The following GPC6 variants were observed in gnomAD, a reference collection of about 807,000 sequenced individuals.
GPC6 encodes the protein glypican-6.
Under a neutral mutation model 55.2 loss-of-function variants are expected in GPC6, and 14 were observed. That is an observed-to-expected ratio of 0.25 (90% CI 0.17 to 0.40). GPC6 has a LOEUF of 0.40. Ranked by LOEUF, GPC6 falls within the 10% of genes least tolerant of loss-of-function variation. The probability of loss-of-function intolerance (pLI) is 1.00; values close to 1 mark genes in which losing one functional copy is unlikely to be tolerated. For synonymous variants in GPC6, 278 were observed against 259.6 expected (o/e 1.07, Z -0.68); for missense variants, 641 against 708.5 (o/e 0.90, Z 1.08).
chr13:93,699,994 C>T (rs1218909713), intron 2 of GPC6, among the ~76,000 whole-genome samples: 1 of 151,960 alleles, frequency 6.6e-6, no homozygotes, highest in Non-Finnish European at 1.5e-5. Flanking sequence ...GGCAGTAGCA[C>T]AAACCTGATT....
rs551166830 is a variant in GPC6, at chr13:93,641,440, T to C, written c.319+96019T>C. On this transcript the variant is annotated intron_variant, in intron 2 of 8. Transcript: ENST00000377047. ...GTTTATCAATCCTTACTGAGCAACT[T>C]TTGGCAACATGCTTAACACACGAAG... is the stretch of plus-strand genomic sequence containing the variant. Among the ~76,000 whole-genome samples the C allele has an allele frequency of 3.9e-5, 6 of 152,258 alleles. No individual in the cohort carries two copies. In the East Asian group the frequency reaches 1.2e-3, roughly 29 times the overall value.
intron 4 of GPC6, among the ~76,000 whole-genome samples, chr13:94,060,203 G>T (rs181051271): frequency 5.3e-5 from 8 of 152,270 alleles, no homozygotes; most frequent in Admixed American, 5.2e-4. Flanking sequence ...AATCTGCCCT[G>T]TCTCCAATCG....
At chr13:93,228,080 G>T (rs2138996610) in intron 1 of GPC6, among the ~76,000 whole-genome samples, 1 of 152,252 alleles carries the variant, frequency 6.6e-6, no homozygotes, top group South Asian at 2.1e-4. Flanking sequence ...GCCGGCAGGG[G>T]CGGTGGAGAG....
chr13:93,817,568 A>G (rs1886896700), intron 2 of GPC6, among the ~76,000 whole-genome samples: 1 of 152,208 alleles, frequency 6.6e-6, no homozygotes, highest in Non-Finnish European at 1.5e-5. Context: ...AAAAAATATA[A>G]GTAGTTTAGA....
intron 4 of GPC6, among the ~76,000 whole-genome samples, chr13:94,175,986 A>AGAGCGAGC (rs1555304127): frequency 2.3e-5 from 3 of 131,232 alleles, no homozygotes; most frequent in East Asian, 2.2e-4. Context: ...AGAGAGAGAG[A>AGAGCGAGC]GAGAGAGCGA....
At chr13:94,293,936 C>T (rs527936381) in intron 5 of GPC6, among the ~76,000 whole-genome samples, 2 of 152,292 alleles carry the variant, frequency 1.3e-5, no homozygotes, top group East Asian at 3.9e-4. Context: ...ATATAGGGAA[C>T]CTATTGATAA....
intron 1 of GPC6, among the ~76,000 whole-genome samples, chr13:93,388,455 G>T (rs2139214074): frequency 6.6e-6 from 1 of 152,302 alleles, no homozygotes; most frequent in South Asian, 2.1e-4. Context: ...GATATTGAAT[G>T]AGGAGACAGA....
chr13:93,700,449 C>A (rs772510496), intron 2 of GPC6, among the ~76,000 whole-genome samples: 1 of 152,106 alleles, frequency 6.6e-6, no homozygotes, highest in Non-Finnish European at 1.5e-5. Flanking sequence ...TTTACAGAAG[C>A]ACTAACCCTG....
chr13:94,241,233 A>G lies in GPC6; in HGVS notation c.878-45116A>G, dbSNP rs541811905. ...AGATCTGCCATCACCTTGATCTCAG[A>G]CTTCCCAGCCTCTAGAACCACAATA... On this transcript the variant is annotated intron_variant, in intron 4 of 8. Transcript: ENST00000377047. Among the ~76,000 whole-genome samples, 5 of 152,244 alleles carry G rather than the reference A, an allele frequency of 3.3e-5. No homozygotes were observed. The East Asian group carries it at 9.7e-4, about 30-fold the overall frequency.
At chr13:93,793,575 G>A (rs1423578691) in intron 2 of GPC6, among the ~76,000 whole-genome samples, 2 of 152,066 alleles carry the variant, frequency 1.3e-5, no homozygotes, top group African/African-American at 4.8e-5. Flanking sequence ...AGTGCACAAA[G>A]AGAAACACAA....
intron 2 of GPC6, among the ~76,000 whole-genome samples, chr13:93,772,974 G>A (rs1375266069): frequency 6.6e-6 from 1 of 151,980 alleles, no homozygotes; most frequent in Non-Finnish European, 1.5e-5. Context: ...TCTACTCAAA[G>A]GTCTTGTTCT....
intron 1 of GPC6, among the ~76,000 whole-genome samples, chr13:93,533,146 A>G (rs1171683565): frequency 6.6e-6 from 1 of 152,144 alleles, no homozygotes; most frequent in Non-Finnish European, 1.5e-5. Flanking sequence ...AAAAGTGCTT[A>G]TTTGGAGGTT....
chr13:93,737,282 G>A (rs2138844006), intron 2 of GPC6, among the ~76,000 whole-genome samples: 1 of 152,176 alleles, frequency 6.6e-6, no homozygotes, highest in East Asian at 1.9e-4. Context: ...TGGCCTGCGA[G>A]GACCTTTAAA....
intron 2 of GPC6, among the ~76,000 whole-genome samples, chr13:93,820,582 C>G (rs1594486052): frequency 6.7e-6 from 1 of 149,470 alleles, no homozygotes. Context: ...GTTTAAATTT[C>G]TATTTTTATT....
At chr13:94,201,094 C>T (rs1355676049) in intron 4 of GPC6, among the ~76,000 whole-genome samples, 1 of 152,214 alleles carries the variant, frequency 6.6e-6, no homozygotes, top group African/African-American at 2.4e-5. Flanking sequence ...ATGAAGTTAG[C>T]ACACTGAAAC....
chr13:93,308,100 T>A (rs374337055), intron 1 of GPC6, among the ~76,000 whole-genome samples: 3 of 152,078 alleles, frequency 2.0e-5, no homozygotes, highest in East Asian at 2.0e-4. Context: ...CTGGCTAACA[T>A]GGTGAAACCC....
intron 2 of GPC6, among the ~76,000 whole-genome samples, chr13:93,666,716 C>T (rs1442214724): frequency 3.3e-5 from 5 of 152,128 alleles, no homozygotes; most frequent in Admixed American, 6.5e-5. Context: ...CTAAATAATT[C>T]TCACTCACTA....
At chr13:93,476,279 T>C (rs1339297697) in intron 1 of GPC6, among the ~76,000 whole-genome samples, 1 of 152,078 alleles carries the variant, frequency 6.6e-6, no homozygotes, top group Admixed American at 6.5e-5. Context: ...TGTGTGTGTG[T>C]GCGTGTCTGT....
intron 4 of GPC6, among the ~76,000 whole-genome samples, chr13:94,096,118 T>C (rs1408210328): frequency 6.6e-6 from 1 of 152,216 alleles, no homozygotes; most frequent in Non-Finnish European, 1.5e-5. Context: ...CACAGAAAGA[T>C]TAGTTTTAAT....
Sources: allele counts gnomAD v4.1 joint callset (sites outside exome capture counted in the v4.1 genomes callset), GRCh38; gene constraint gnomAD v4.1.1; transcripts MANE v1.5; gene names NCBI Gene and HGNC (gene_info 2026-07-23, HGNC 2026-07-21).